The following ATRNL1 variants were observed in gnomAD, a reference collection of about 807,000 sequenced individuals.
ATRNL1 encodes attractin-like protein 1.
In ATRNL1, 95 loss-of-function variants were observed where a neutral mutation model predicts 182.7. The ratio of observed to expected loss-of-function variants is 0.52; its 90% CI spans 0.44 to 0.62. The LOEUF is 0.62. ATRNL1 is among the 20% of genes least tolerant of loss of function. The probability of loss-of-function intolerance (pLI) is 0.00; values close to 1 mark genes in which losing one functional copy is unlikely to be tolerated. For synonymous variants in ATRNL1, 576 were observed against 568.3 expected, an observed-to-expected ratio of 1.01 and a Z score of -0.19; for missense variants, 1,471 against 1,679.5, an observed-to-expected ratio of 0.88 and a Z score of 2.17.
intron 19 of ATRNL1, among the ~76,000 whole-genome samples, chr10:115,360,493 T>C (rs1856691713): frequency 6.6e-6 from 1 of 151,736 alleles, no homozygotes; most frequent in African/African-American, 2.4e-5. Context: ...GGAATTCTCT[T>C]AACCACAGTA....
At chr10:115,698,704 C>T (rs781845251) in intron 26 of ATRNL1, among the ~76,000 whole-genome samples, 4 of 151,158 alleles carry the variant, frequency 2.6e-5, no homozygotes, top group East Asian at 1.9e-4. Flanking sequence ...CTTGAACCTG[C>T]GAGGCAGAGG....
rs148445473 is a variant in ATRNL1, at chr10:115,289,963, G to A, written c.2415+3566G>A. Among the ~76,000 whole-genome samples, 688 of 152,096 alleles carry A rather than the reference G, an allele frequency of 4.5e-3. 7 individuals are homozygous for A. The highest frequency in any genetic ancestry group is 0.01 in the Middle Eastern group (3 of 292). On this transcript the variant is annotated intron_variant, in intron 15 of 28. Transcript: ENST00000355044. ...AGGTAGTGCATTGAGTCTGTAGATT[G>A]CTTTGAGTAGCATGGTTGTTTTAAC...
chr10:115,597,539 C>T lies in ATRNL1; in HGVS notation c.3795+48003C>T, dbSNP rs1306661043. The T allele has an allele frequency of 5.5e-6, 2 of 364,662 alleles. 1 individual carries two copies. The highest frequency in any genetic ancestry group is 1.0e-5 in the Non-Finnish European group (2 of 195,082). 22.6% of individuals were successfully genotyped at this position (364,662 alleles called of 1,614,324 possible). On this transcript the variant is annotated intron_variant, in intron 26 of 28. Coordinates refer to ENST00000355044, the MANE Select transcript of ATRNL1 (RefSeq NM_207303.4). ...AAAATATGAGAAAAAACTTTGTAAACATTACATGAAACAATTCATTTATGG... is the reference window on the plus strand; with the variant it reads ...AAAATATGAGAAAAAACTTTGTAAATATTACATGAAACAATTCATTTATGG...
At chr10:115,429,944 G>T (rs1251720336) in intron 21 of ATRNL1, among the ~76,000 whole-genome samples, 1 of 152,190 alleles carries the variant, frequency 6.6e-6, no homozygotes, top group East Asian at 1.9e-4. Flanking sequence ...GGTGGCGGGC[G>T]CCTGTAGTCC....
At chr10:115,322,772 CTTAG>C (rs1554931909) in intron 18 of ATRNL1, among the ~76,000 whole-genome samples, 1 of 152,020 alleles carries the variant, frequency 6.6e-6, no homozygotes, top group African/African-American at 2.4e-5. Flanking sequence ...ATAGAGGATT[CTTAG>C]TTAGCATTGT....
At chr10:115,926,437 C>T (rs1420230594) in intron 28 of ATRNL1, among the ~76,000 whole-genome samples, 3 of 150,496 alleles carry the variant, frequency 2.0e-5, no homozygotes, top group Middle Eastern at 3.4e-3. Context: ...GATAGAGACA[C>T]AAAAAAAACC....
intron 26 of ATRNL1, among the ~76,000 whole-genome samples, chr10:115,572,437 A>T (rs1461172547): frequency 6.6e-6 from 1 of 152,160 alleles, no homozygotes; most frequent in Admixed American, 6.6e-5. Context: ...GGGTGGGGAA[A>T]AAAAAAGACT....
intron 8 of ATRNL1, among the ~76,000 whole-genome samples, chr10:115,189,187 T>C (rs1848072617): frequency 6.6e-6 from 1 of 152,144 alleles, no homozygotes; most frequent in African/African-American, 2.4e-5. Flanking sequence ...GTGATGCTGG[T>C]GTAAACAAAC....
intron 8 of ATRNL1, among the ~76,000 whole-genome samples, chr10:115,200,344 A>C (rs1848517063): frequency 7.0e-6 from 1 of 142,198 alleles, no homozygotes; most frequent in South Asian, 2.4e-4. Flanking sequence ...GTCATTTAGC[A>C]TTAGGTATAT....
intron 24 of ATRNL1, among the ~76,000 whole-genome samples, chr10:115,512,929 A>G (rs1850460258): frequency 1.3e-5 from 2 of 151,936 alleles, no homozygotes; most frequent in South Asian, 4.2e-4. Flanking sequence ...TTTTCCTAGA[A>G]ACCAGGCTTG....
chr10:115,207,094 G>A (rs1848827509), intron 8 of ATRNL1, among the ~76,000 whole-genome samples: 1 of 152,108 alleles, frequency 6.6e-6, no homozygotes, highest in African/African-American at 2.4e-5. Flanking sequence ...ATCATTGATG[G>A]ACATTTGGGT....
chr10:115,727,147 T>C, intron 26 of ATRNL1, 101 bp from the exon 27 acceptor site: 1 of 792,520 alleles, frequency 1.3e-6, no homozygotes, highest in Non-Finnish European at 2.1e-6. Context: ...AAATGATTCC[T>C]AACTTTTCAA....
chr10:115,302,151 A>G (rs1311754270), intron 17 of ATRNL1, 108 bp downstream of exon 17: 3 of 1,119,032 alleles, frequency 2.7e-6, no homozygotes, highest in Non-Finnish European at 3.7e-6. Flanking sequence ...AATGAGAAAA[A>G]ATATTGTTAC....
chr10:115,604,949 G>A (rs1222179248), intron 26 of ATRNL1, among the ~76,000 whole-genome samples: 2 of 151,944 alleles, frequency 1.3e-5, no homozygotes, highest in African/African-American at 2.4e-5. Flanking sequence ...TGTTACCAAA[G>A]ATATTTATCT....
At chr10:115,178,200 G>A (rs1367494214) in intron 8 of ATRNL1, among the ~76,000 whole-genome samples, 1 of 151,982 alleles carries the variant, frequency 6.6e-6, no homozygotes, top group African/African-American at 2.4e-5. Flanking sequence ...ATGAGCCACC[G>A]TGCCTGGCCA....
intron 28 of ATRNL1, among the ~76,000 whole-genome samples, chr10:115,918,315 C>A (rs1282899695): frequency 1.3e-5 from 2 of 152,100 alleles, no homozygotes; most frequent in Non-Finnish European, 2.9e-5. Flanking sequence ...GTTGGCCGGG[C>A]TGGTCTTGAA....
rs1848521319 is a variant in ATRNL1, at chr10:115,200,391, C to T, written c.1349-15306C>T. On this transcript the variant is annotated intron_variant, in intron 8 of 28. Transcript: ENST00000355044. ...ATCCCTCCCCCCTCCCCCCACCCCA[C>T]AACAGTCCCCAGAGTGTGATGTTCC... Among the ~76,000 whole-genome samples the T allele has an allele frequency of 5.0e-5, 6 of 119,188 alleles. No homozygotes were observed. In the South Asian group the frequency reaches 2.0e-3, roughly 39 times the overall value. 78.2% of individuals were successfully genotyped at this position (119,188 alleles called of 152,430 possible).
chr10:115,126,700 G>T (rs1216379019), intron 3 of ATRNL1, among the ~76,000 whole-genome samples: 2 of 152,036 alleles, frequency 1.3e-5, no homozygotes, highest in African/African-American at 4.8e-5. Flanking sequence ...ATTTGAATGG[G>T]GGAATTCAGT....
rs142274459 is a variant in ATRNL1, at chr10:115,288,984, T to C, written c.2415+2587T>C. On this transcript the variant is annotated intron_variant, in intron 15 of 28. Coordinates refer to ENST00000355044, the MANE Select transcript of ATRNL1 (RefSeq NM_207303.4). ...AATATTTTCTCCTATTAGTCTGTTTTCATGCTGCTGATAAAGACATATCCG... is the reference window on the plus strand; with the variant it reads ...AATATTTTCTCCTATTAGTCTGTTTCCATGCTGCTGATAAAGACATATCCG... Among the ~76,000 whole-genome samples, 765 of 152,324 alleles carry C rather than the reference T, an allele frequency of 5.0e-3. 4 individuals carry two copies. Among genetic ancestry groups the C allele is most frequent in the African/African-American group, 0.016 (677 of 41,570 alleles).
Sources: allele counts gnomAD v4.1 joint callset (sites outside exome capture counted in the v4.1 genomes callset), GRCh38; gene constraint gnomAD v4.1.1; transcripts MANE v1.5; gene names NCBI Gene and HGNC (gene_info 2026-07-23, HGNC 2026-07-21).